Variants in SLC38A11 observed in about 807,000 individuals in gnomAD.
SLC38A11 encodes putative sodium-coupled neutral amino acid transporter 11.
A neutral mutation model predicts 49.4 loss-of-function variants in SLC38A11; 51 were observed. The observed-to-expected ratio is 1.03, with a 90% CI of 0.83 to 1.30. SLC38A11 has a LOEUF of 1.30. Among genes scored for constraint, SLC38A11 ranks in the 50% most tolerant of loss-of-function variants. The pLI is 0.00. For missense variants in SLC38A11, 574 were observed against 556.2 expected (o/e 1.03, Z -0.32); for synonymous variants, 203 against 192.9 (o/e 1.05, Z -0.43).
intron 7 of SLC38A11, among the ~76,000 whole-genome samples, chr2:164,925,797 T>C (rs967379949): frequency 2.6e-5 from 4 of 152,188 alleles, no homozygotes; most frequent in Non-Finnish European, 5.9e-5. Flanking sequence ...TGTGATATAT[T>C]GGTCTTAATA....
At chr2:164,942,091 C>T (rs77120228) in intron 5 of SLC38A11, among the ~76,000 whole-genome samples, 2,522 of 152,068 alleles carry the variant, frequency 0.017, 19 homozygotes, top group Middle Eastern at 0.037. Flanking sequence ...AATAAATCGG[C>T]GCTACTTTTC....
At chr2:164,949,839 C>G (rs575677794) in intron 3 of SLC38A11, 12 of 152,282 alleles carry the variant, frequency 7.9e-5, no homozygotes, top group African/African-American at 2.9e-4. Context: ...AGTGAGAGAG[C>G]AGTTAGAATA....
At chr2:164,937,087 T>C (rs144106350) in intron 7 of SLC38A11, among the ~76,000 whole-genome samples, 237 of 152,294 alleles carry the variant, frequency 1.6e-3, no homozygotes, top group African/African-American at 5.3e-3. Flanking sequence ...TCATTTCTTA[T>C]TCTAATTCTA....
chr2:164,923,380 A>C (rs982279775), intron 7 of SLC38A11, among the ~76,000 whole-genome samples: 2 of 152,196 alleles, frequency 1.3e-5, no homozygotes, highest in East Asian at 3.8e-4. Flanking sequence ...ACAAGCAAAA[A>C]CCAAATAACT....
intron 6 of SLC38A11, among the ~76,000 whole-genome samples, chr2:164,938,133 T>G (rs1247922380): frequency 1.3e-5 from 2 of 152,172 alleles, no homozygotes; most frequent in Non-Finnish European, 2.9e-5. Context: ...ATCCTTTCTC[T>G]GATAAGAAAA....
chr2:164,955,147 T>G, intron 1 of SLC38A11, 62 bp downstream of exon 1: 1 of 1,490,348 alleles, frequency 6.7e-7, no homozygotes, highest in South Asian at 1.2e-5. Context: ...ACCTGACCTG[T>G]TGCAAGGTGA....
At chr2:164,911,802 A>G (rs1685424802) in intron 9 of SLC38A11, 54 bp from the exon 10 acceptor site, 2 of 954,436 alleles carry the variant, frequency 2.1e-6, no homozygotes, top group African/African-American at 1.7e-5. Context: ...GTTTGAGATA[A>G]CTATCTAATA....
intron 7 of SLC38A11, among the ~76,000 whole-genome samples, chr2:164,930,246 G>A (rs1686900255): frequency 6.6e-6 from 1 of 151,880 alleles, no homozygotes; most frequent in South Asian, 2.1e-4. Flanking sequence ...GCTCTGAAAT[G>A]GAATCAATAA....
intron 2 of SLC38A11, among the ~76,000 whole-genome samples, chr2:164,954,049 C>T (rs867522514): frequency 4.6e-5 from 7 of 151,796 alleles, no homozygotes; most frequent in East Asian, 3.9e-4. Context: ...GAAAATAATA[C>T]GCATTTTCAA....
chr2:164,948,393 T>G (rs1688284547), intron 3 of SLC38A11, among the ~76,000 whole-genome samples: 1 of 152,202 alleles, frequency 6.6e-6, no homozygotes, highest in South Asian at 2.1e-4. Context: ...TACTAATTAT[T>G]TTTAATCTTC....
At chr2:164,942,147 C>A (rs1296329235) in intron 5 of SLC38A11, among the ~76,000 whole-genome samples, 1 of 151,974 alleles carries the variant, frequency 6.6e-6, no homozygotes, top group African/African-American at 2.4e-5. Flanking sequence ...ATTAGTAATT[C>A]TCTTTTGAAA....
At chr2:164,905,796 G>C (rs1015442183) in intron 11 of SLC38A11, among the ~76,000 whole-genome samples, 2 of 152,016 alleles carry the variant, frequency 1.3e-5, no homozygotes, top group Admixed American at 6.6e-5. Context: ...AAAATCTAAA[G>C]ATCTTGAATC....
intron 6 of SLC38A11, among the ~76,000 whole-genome samples, chr2:164,938,987 C>A (rs1393712496): frequency 6.6e-6 from 1 of 152,024 alleles, no homozygotes; most frequent in Admixed American, 6.6e-5. Context: ...CAAAAATTGA[C>A]CAATCAACAC....
chr2:164,907,270 CTTTTTTTTTTT>C (rs60527900), intron 11 of SLC38A11, among the ~76,000 whole-genome samples: 1 of 97,916 alleles, frequency 1.0e-5, no homozygotes, highest in African/African-American at 3.9e-5. Context: ...CTTCTTTTCT[CTTTTTTTTTTT>C]TTTTTTTTTT....
At chr2:164,927,070 A>G (rs1686653058) in intron 7 of SLC38A11, among the ~76,000 whole-genome samples, 1 of 152,202 alleles carries the variant, frequency 6.6e-6, no homozygotes, top group African/African-American at 2.4e-5. Context: ...ATTAGGGCAG[A>G]GCCCTTATAG....
At chr2:164,924,321 A>G (rs1487937954) in intron 7 of SLC38A11, among the ~76,000 whole-genome samples, 1 of 152,162 alleles carries the variant, frequency 6.6e-6, no homozygotes, top group African/African-American at 2.4e-5. Flanking sequence ...GGGAATACAG[A>G]CTACTAAAGA....
At chr2:164,911,490 T>A in intron 10 of SLC38A11, 146 bp downstream of exon 10, 1 of 426,104 alleles carries the variant, frequency 2.3e-6, no homozygotes. Flanking sequence ...ACTCTGACAT[T>A]TTAGAGTCAA....
In SLC38A11 at chr2:164,906,472, G is replaced by A. The variant is rs187377981; in HGVS notation, c.1095+2168C>T. Among the ~76,000 whole-genome samples the A allele has an allele frequency of 1.3e-3, 205 of 152,258 alleles. 1 individual carries two copies. Among genetic ancestry groups the A allele is most frequent in the Non-Finnish European group, 2.1e-3 (142 of 68,020 alleles). The stretch of plus-strand genomic sequence containing the variant: ...TCCTTAGCCCTGTGCCAAATACTAT[G>A]GAGGAGGGAGGAGGTGGTTAAGTAT... On this transcript the variant is annotated intron_variant, in intron 11 of 11. Coordinates refer to ENST00000685975, the MANE Select transcript of SLC38A11 (RefSeq NM_001351537.2).
intron 7 of SLC38A11, among the ~76,000 whole-genome samples, chr2:164,930,083 C>G (rs1329708522): frequency 6.6e-6 from 1 of 151,710 alleles, no homozygotes; most frequent in African/African-American, 2.4e-5. Flanking sequence ...ACCACTGACC[C>G]CACAGAAATA....
Sources: gnomAD v4.1 joint callset for allele counts (sites outside exome capture counted in the v4.1 genomes callset) on GRCh38, gnomAD v4.1.1 for gene constraint, MANE v1.5 for transcripts, NCBI Gene and HGNC (gene_info 2026-07-23, HGNC 2026-07-21) for gene names.